Variants in ADGRL3 observed in about 807,000 individuals in gnomAD.
The protein encoded by ADGRL3 is adhesion G protein-coupled receptor L3.
Under a neutral mutation model 153.5 loss-of-function variants are expected in ADGRL3, and 62 were observed. The ratio of observed to expected loss-of-function variants is 0.40; its 90% CI spans 0.33 to 0.50. ADGRL3 has a LOEUF of 0.50. ADGRL3 is among the 20% of genes least tolerant of loss of function. The pLI, the probability that ADGRL3 is intolerant of heterozygous loss-of-function variation, is 0.47. For missense variants in ADGRL3, 1,641 were observed against 1,859.4 expected (o/e 0.88, Z 2.16); for synonymous variants, 710 against 672.5 (o/e 1.06, Z -0.86).
chr4:61,521,350 A>G (rs1351461349), intron 4 of ADGRL3, among the ~76,000 whole-genome samples: 1 of 152,196 alleles, frequency 6.6e-6, no homozygotes, highest in African/African-American at 2.4e-5. Flanking sequence ...GATAATTTCT[A>G]GATATCAGTC....
At chr4:61,901,437 C>T (rs1050417724) in intron 11 of ADGRL3, among the ~76,000 whole-genome samples, 1 of 152,104 alleles carries the variant, frequency 6.6e-6, no homozygotes, top group African/African-American at 2.4e-5. Flanking sequence ...TCTTAAATTC[C>T]CCATTTTATC....
chr4:61,405,664 A>T (rs894730362), intron 2 of ADGRL3, among the ~76,000 whole-genome samples: 17 of 151,112 alleles, frequency 1.1e-4, no homozygotes, highest in African/African-American at 3.9e-4. Flanking sequence ...GTATTTTTTA[A>T]AATATTTAGA....
intron 1 of ADGRL3, 22 bp downstream of exon 1, chr4:61,201,787 T>G (rs908380140): frequency 1.4e-4 from 21 of 152,564 alleles, no homozygotes; most frequent in African/African-American, 5.1e-4. Flanking sequence ...TTCGCACTCT[T>G]CATAATAGGG....
intron 8 of ADGRL3, among the ~76,000 whole-genome samples, chr4:61,780,031 G>A (rs976705494): frequency 1.3e-5 from 2 of 152,072 alleles, no homozygotes; most frequent in African/African-American, 4.8e-5. Context: ...CCCTGTTCTC[G>A]ACTTCCTAAC....
intron 8 of ADGRL3, among the ~76,000 whole-genome samples, chr4:61,773,238 C>T (rs966103602): frequency 1.3e-5 from 2 of 152,106 alleles, no homozygotes; most frequent in Non-Finnish European, 2.9e-5. Context: ...TTTTTAAGCC[C>T]TGGACAACAT....
intron 5 of ADGRL3, among the ~76,000 whole-genome samples, chr4:61,668,661 T>C (rs2094886343): frequency 6.6e-6 from 1 of 152,196 alleles, no homozygotes; most frequent in African/African-American, 2.4e-5. Flanking sequence ...TGCATTGGCA[T>C]AATGTCCTCT....
chr4:61,602,834 A>C (rs2099017275), intron 5 of ADGRL3, among the ~76,000 whole-genome samples: 1 of 152,178 alleles, frequency 6.6e-6, no homozygotes, highest in Non-Finnish European at 1.5e-5. Context: ...TGTATAATAG[A>C]TTACAACTAT....
chr4:61,681,785 G>A (rs1329754912), intron 6 of ADGRL3, among the ~76,000 whole-genome samples: 1 of 151,896 alleles, frequency 6.6e-6, no homozygotes, highest in African/African-American at 2.4e-5. Context: ...ATTTAAATGT[G>A]TACACATTTG....
intron 2 of ADGRL3, among the ~76,000 whole-genome samples, chr4:61,475,160 T>G (rs1438898392): frequency 6.6e-6 from 1 of 152,198 alleles, no homozygotes; most frequent in African/African-American, 2.4e-5. Context: ...CTTCCTTGCT[T>G]ATCATTGACT....
chr4:61,371,222 C>T (rs942419486), intron 1 of ADGRL3, among the ~76,000 whole-genome samples: 5 of 151,526 alleles, frequency 3.3e-5, no homozygotes, highest in African/African-American at 9.7e-5. Context: ...AGGATTTAGT[C>T]CATTTACATT....
chr4:61,279,158 A>C (rs2093615309), intron 1 of ADGRL3, among the ~76,000 whole-genome samples: 1 of 152,200 alleles, frequency 6.6e-6, no homozygotes, highest in African/African-American at 2.4e-5. Flanking sequence ...ATTTCAGCTT[A>C]GGGGCAGATA....
At chr4:61,983,137 T>C (rs2099074232) in intron 18 of ADGRL3, among the ~76,000 whole-genome samples, 1 of 152,150 alleles carries the variant, frequency 6.6e-6, no homozygotes, top group South Asian at 2.1e-4. Flanking sequence ...TTCTAAGTAT[T>C]ATTTTTTTTA....
At chr4:61,878,964 T>G (rs1482694285) in intron 9 of ADGRL3, among the ~76,000 whole-genome samples, 2 of 152,222 alleles carry the variant, frequency 1.3e-5, no homozygotes, top group Non-Finnish European at 2.9e-5. Flanking sequence ...TTGTACATTT[T>G]AATATTGATG....
chr4:61,847,191 A>G (rs1296462923), intron 9 of ADGRL3, among the ~76,000 whole-genome samples: 1 of 151,994 alleles, frequency 6.6e-6, no homozygotes, highest in Non-Finnish European at 1.5e-5. Context: ...TATTAATAGC[A>G]CTACAGTAAG....
chr4:61,367,499 G>T, intron 1 of ADGRL3, among the ~76,000 whole-genome samples: 1 of 149,126 alleles, frequency 6.7e-6, no homozygotes, highest in African/African-American at 2.5e-5. Flanking sequence ...TTGGTTTTTT[G>T]TTCTTGGGAT....
intron 1 of ADGRL3, among the ~76,000 whole-genome samples, chr4:61,229,135 A>G (rs1395574186): frequency 6.6e-6 from 1 of 152,196 alleles, no homozygotes; most frequent in African/African-American, 2.4e-5. Flanking sequence ...TCTAGCCTAT[A>G]GGCTGAGGCT....
Position 61,560,760 on chromosome 4 carries a change from G to A in ADGRL3, c.260-26467G>A, listed in dbSNP as rs764486046. 7.9e-5 allele frequency among the ~76,000 whole-genome samples: 12 copies of A among 151,970 alleles called. 1 individual carries two copies. Among genetic ancestry groups the A allele is most frequent in the African/African-American group, 2.4e-4 (10 of 41,444 alleles). On this transcript the variant is annotated intron_variant, in intron 4 of 26. Coordinates refer to ENST00000683033, the MANE Select transcript of ADGRL3 (RefSeq NM_001387552.1). ...GCAACTGACTCAATATGGCTTCTCC[G>A]TCTACTTAAGGCCTGCTCTATATAG...
chr4:61,452,349 TCTGCTTCCCTTTC>T (rs1206483829), intron 2 of ADGRL3, among the ~76,000 whole-genome samples: 1 of 137,368 alleles, frequency 7.3e-6, no homozygotes, highest in African/African-American at 2.7e-5. Flanking sequence ...TCTGCCCAGT[TCTGCTTCCCTTTC>T]TTCTTGGGTG....
intron 5 of ADGRL3, among the ~76,000 whole-genome samples, chr4:61,675,792 C>A (rs2095171077): frequency 1.3e-5 from 2 of 151,936 alleles, no homozygotes; most frequent in South Asian, 2.1e-4. Flanking sequence ...AAGCATTTAT[C>A]CTTTGTGCTA....
Sources: gnomAD v4.1 joint callset for allele counts (sites outside exome capture counted in the v4.1 genomes callset) on GRCh38, gnomAD v4.1.1 for gene constraint, MANE v1.5 for transcripts, NCBI Gene and HGNC (gene_info 2026-07-23, HGNC 2026-07-21) for gene names.